The following MIPOL1 variants were observed in gnomAD, a reference collection of about 807,000 sequenced individuals.
The protein encoded by MIPOL1 is mirror-image polydactyly 1, also known as mirror-image polydactyly gene 1 protein.
Under a neutral mutation model 60.9 loss-of-function variants are expected in MIPOL1, and 57 were observed. The observed-to-expected ratio is 0.94, with a 90% CI of 0.76 to 1.17. MIPOL1 has a LOEUF of 1.17. MIPOL1 is among the 50% of genes most tolerant of loss of function. The pLI is 0.00. For missense variants in MIPOL1, 551 were observed against 511.6 expected (o/e 1.08, Z -0.74); for synonymous variants, 179 against 168.8 (o/e 1.06, Z -0.47).
chr14:37,332,533 A>G (rs2089789622), intron 9 of MIPOL1, among the ~76,000 whole-genome samples: 1 of 152,176 alleles, frequency 6.6e-6, no homozygotes, highest in African/African-American at 2.4e-5. Context: ...CATCTTTTAT[A>G]TGTTATATGT....
intron 9 of MIPOL1, among the ~76,000 whole-genome samples, chr14:37,332,564 A>G (rs889256406): frequency 3.9e-5 from 6 of 152,222 alleles, no homozygotes; most frequent in African/African-American, 1.2e-4. Context: ...ATATTCTTAA[A>G]GTAAGCTAGA....
At chr14:37,355,152 T>C (rs1371085476) in intron 9 of MIPOL1, among the ~76,000 whole-genome samples, 4 of 150,302 alleles carry the variant, frequency 2.7e-5, no homozygotes, top group African/African-American at 9.8e-5. Flanking sequence ...ATTTTATTTC[T>C]CCTTAGCTTA....
intron 11 of MIPOL1, among the ~76,000 whole-genome samples, chr14:37,457,140 A>G (rs1385256266): frequency 1.3e-5 from 2 of 152,198 alleles, no homozygotes; most frequent in African/African-American, 2.4e-5. Flanking sequence ...ACTTTGGTGT[A>G]GAGTATACAG....
At chr14:37,238,768 G>A (rs1047497805) in intron 1 of MIPOL1, among the ~76,000 whole-genome samples, 1 of 150,020 alleles carries the variant, frequency 6.7e-6, no homozygotes, top group Non-Finnish European at 1.5e-5. Context: ...TGGGCAACAC[G>A]GTGAAACCCC....
intron 10 of MIPOL1, among the ~76,000 whole-genome samples, chr14:37,406,528 A>C (rs955604651): frequency 2.0e-5 from 3 of 152,268 alleles, no homozygotes; most frequent in Non-Finnish European, 4.4e-5. Flanking sequence ...CTTGAGTTTA[A>C]ATAAGAATTT....
intron 10 of MIPOL1, 50 bp from the exon 11 acceptor site, chr14:37,422,805 T>C: frequency 1.6e-6 from 2 of 1,273,314 alleles, no homozygotes; most frequent in Non-Finnish European, 2.2e-6. Context: ...TACTGTATTT[T>C]ATCATACCAA....
At chr14:37,336,993 C>T (rs748836605) in intron 9 of MIPOL1, among the ~76,000 whole-genome samples, 2 of 151,954 alleles carry the variant, frequency 1.3e-5, no homozygotes, top group African/African-American at 2.4e-5. Context: ...AAACTCCTGA[C>T]CTCAAGTTAT....
At chr14:37,269,631 A>G (rs896137685) in intron 5 of MIPOL1, among the ~76,000 whole-genome samples, 4 of 152,120 alleles carry the variant, frequency 2.6e-5, no homozygotes, top group Non-Finnish European at 4.4e-5. Context: ...ATTTAAATGG[A>G]ATATGATGGG....
intron 1 of MIPOL1, among the ~76,000 whole-genome samples, chr14:37,235,751 C>T (rs996246689): frequency 6.6e-6 from 1 of 152,094 alleles, no homozygotes. Context: ...CATATTGCCC[C>T]TCCCCTGGCT....
intron 7 of MIPOL1, among the ~76,000 whole-genome samples, chr14:37,287,674 T>C (rs1292462511): frequency 6.6e-6 from 1 of 152,166 alleles, no homozygotes; most frequent in African/African-American, 2.4e-5. Flanking sequence ...TCATGCAATA[T>C]TTTCTCTCAA....
intron 12 of MIPOL1, among the ~76,000 whole-genome samples, chr14:37,520,254 T>C (rs1040611585): frequency 6.6e-6 from 1 of 152,174 alleles, no homozygotes; most frequent in African/African-American, 2.4e-5. Flanking sequence ...GAATTAAACT[T>C]GAGTAAGGTT....
chr14:37,295,490 A>G (rs1227575646), intron 7 of MIPOL1, among the ~76,000 whole-genome samples: 3 of 152,222 alleles, frequency 2.0e-5, no homozygotes, highest in African/African-American at 4.8e-5. Context: ...AAATGCTCCA[A>G]TTAAAAGGCA....
At chr14:37,293,454 A>G (rs2085292656) in intron 7 of MIPOL1, among the ~76,000 whole-genome samples, 1 of 152,098 alleles carries the variant, frequency 6.6e-6, no homozygotes, top group Non-Finnish European at 1.5e-5. Flanking sequence ...AGTGCCAGAC[A>G]GTGGGTGCAG....
At chr14:37,434,123 G>C (rs893300196) in intron 11 of MIPOL1, among the ~76,000 whole-genome samples, 4 of 152,148 alleles carry the variant, frequency 2.6e-5, no homozygotes, top group African/African-American at 9.7e-5. Flanking sequence ...TTTCCAAAAT[G>C]GTTGAACTAA....
intron 12 of MIPOL1, chr14:37,501,770 G>C (rs1268729246): frequency 6.6e-6 from 1 of 152,184 alleles, no homozygotes; most frequent in Non-Finnish European, 1.5e-5. Context: ...AGCCCACCGA[G>C]GGTGAGCCAA....
At chr14:37,525,808 T>A (rs1014494348) in intron 12 of MIPOL1, among the ~76,000 whole-genome samples, 4 of 152,186 alleles carry the variant, frequency 2.6e-5, no homozygotes, top group African/African-American at 9.7e-5. Context: ...ATTAAAGGAT[T>A]ATGCATATAG....
At chr14:37,360,730 AGC>A (rs1425065785) in intron 9 of MIPOL1, among the ~76,000 whole-genome samples, 1 of 152,038 alleles carries the variant, frequency 6.6e-6, no homozygotes, top group Admixed American at 6.6e-5. Flanking sequence ...TGGTCTTGCT[AGC>A]AGTCTATCAA....
chr14:37,533,027 TATAAC>T (rs897285365), intron 12 of MIPOL1, among the ~76,000 whole-genome samples: 2 of 152,154 alleles, frequency 1.3e-5, no homozygotes, highest in Admixed American at 6.5e-5. Context: ...TTATAGGCTT[TATAAC>T]ATTTTCTATA....
intron 9 of MIPOL1, among the ~76,000 whole-genome samples, chr14:37,362,795 C>T (rs1012461819): frequency 6.6e-6 from 1 of 152,100 alleles, no homozygotes; most frequent in African/African-American, 2.4e-5. Flanking sequence ...TTCTTGGAGG[C>T]TTTGTTTGTT....
Sources: gnomAD v4.1 joint callset for allele counts (sites outside exome capture counted in the v4.1 genomes callset) on GRCh38, gnomAD v4.1.1 for gene constraint, MANE v1.5 for transcripts, NCBI Gene and HGNC (gene_info 2026-07-23, HGNC 2026-07-21) for gene names.